Variants in FHOD3 observed in about 807,000 individuals in gnomAD.
FHOD3 encodes FH1/FH2 domain-containing protein 3.
FHOD3 carries 90 observed loss-of-function variants against 173.0 expected under a neutral mutation model. The observed-to-expected ratio is 0.52, with a 90% confidence interval of 0.44 to 0.62. FHOD3 has a LOEUF of 0.62. Among genes scored for constraint, FHOD3 ranks in the 20% least tolerant of loss-of-function variants. The probability of loss-of-function intolerance (pLI) is 0.00; values close to 1 mark genes in which losing one functional copy is unlikely to be tolerated. For missense variants in FHOD3, 1,945 were observed against 2,034.7 expected (o/e 0.96, Z 0.85); for synonymous variants, 828 against 823.0 (o/e 1.01, Z -0.10).
chr18:36,722,013 T>G (rs189154708), intron 19 of FHOD3, among the ~76,000 whole-genome samples: 2 of 152,280 alleles, frequency 1.3e-5, no homozygotes, highest in Admixed American at 1.3e-4. Flanking sequence ...GACCACCTAA[T>G]GAAAAAATGA....
At chr18:36,561,309 T>C (rs539177689) in intron 5 of FHOD3, among the ~76,000 whole-genome samples, 149 of 152,288 alleles carry the variant, frequency 9.8e-4, no homozygotes, top group African/African-American at 3.4e-3. Context: ...TGGAATCTAA[T>C]GTGTTGGCCC....
At chr18:36,354,617 A>G (rs551152841) in intron 1 of FHOD3, among the ~76,000 whole-genome samples, 114 of 152,134 alleles carry the variant, frequency 7.5e-4, no homozygotes, top group Non-Finnish European at 1.5e-3. Context: ...GGCTGGCCAA[A>G]ATGGCAAAAC....
intron 3 of FHOD3, among the ~76,000 whole-genome samples, chr18:36,435,889 T>C (rs1486818451): frequency 6.6e-6 from 1 of 152,182 alleles, no homozygotes; most frequent in African/African-American, 2.4e-5. Context: ...TTAAGTTTTG[T>C]ACAGGATAGT....
At chr18:36,522,960 T>C (rs1292683785) in intron 5 of FHOD3, among the ~76,000 whole-genome samples, 6 of 152,232 alleles carry the variant, frequency 3.9e-5, no homozygotes, top group African/African-American at 1.4e-4. Flanking sequence ...TTGCTTTCTT[T>C]ACCCTGCCTC....
intron 5 of FHOD3, among the ~76,000 whole-genome samples, chr18:36,531,246 G>C (rs1000776957): frequency 2.6e-5 from 4 of 152,182 alleles, no homozygotes; most frequent in Non-Finnish European, 1.5e-5. Context: ...AAGGATGCAA[G>C]CAGTCACTGT....
At position 36,364,171 on chromosome 18, in the gene FHOD3, A is replaced by G. The variant is rs562658749; in HGVS notation, c.273-8509A>G. 1.8e-3 allele frequency among the ~76,000 whole-genome samples: 273 copies of G among 152,302 alleles called. 1 individual carries two copies. The highest frequency in any genetic ancestry group is 1.9e-3 in the Non-Finnish European group (127 of 68,016). ...GGGAGGCATGTATTGGTTAGGATGC[A>G]GTCTTCTCTGTTGCAACCAAGAAAT... On this transcript the variant is annotated intron_variant, in intron 2 of 28. Coordinates refer to ENST00000590592, the MANE Select transcript of FHOD3 (RefSeq NM_001281740.3).
chr18:36,764,453 C>T (rs551496356), intron 27 of FHOD3, among the ~76,000 whole-genome samples: 1 of 151,968 alleles, frequency 6.6e-6, no homozygotes, highest in Non-Finnish European at 1.5e-5. Context: ...ACATGGCCAA[C>T]AGGGATGTGA....
intron 3 of FHOD3, among the ~76,000 whole-genome samples, chr18:36,437,156 T>C (rs950715277): frequency 6.6e-6 from 1 of 152,210 alleles, no homozygotes; most frequent in Non-Finnish European, 1.5e-5. Flanking sequence ...TCTCACTCTG[T>C]CACCAGGCTG....
chr18:36,615,498 A>C (rs780400057), intron 9 of FHOD3, among the ~76,000 whole-genome samples: 1 of 152,176 alleles, frequency 6.6e-6, no homozygotes, highest in African/African-American at 2.4e-5. Context: ...GTGTGTGTTC[A>C]TGATGAGGGA....
intron 14 of FHOD3, among the ~76,000 whole-genome samples, chr18:36,662,586 T>C (rs1467365691): frequency 1.3e-5 from 2 of 152,220 alleles, no homozygotes; most frequent in African/African-American, 4.8e-5. Flanking sequence ...CTCATAGTTG[T>C]CCCAGCAGAG....
At chr18:36,359,889 T>C (rs1467178361) in intron 2 of FHOD3, among the ~76,000 whole-genome samples, 4 of 152,230 alleles carry the variant, frequency 2.6e-5, no homozygotes, top group African/African-American at 9.6e-5. Flanking sequence ...CACTCAAAAC[T>C]GTTAGCCTCT....
At chr18:36,337,358 A>G (rs998179142) in intron 1 of FHOD3, among the ~76,000 whole-genome samples, 3 of 152,182 alleles carry the variant, frequency 2.0e-5, no homozygotes, top group Non-Finnish European at 4.4e-5. Context: ...ATAGCCCTGC[A>G]CTGGGCTGGT....
At chr18:36,709,417 G>T (rs370041909) in intron 18 of FHOD3, 26 bp downstream of exon 18, 6 of 1,596,502 alleles carry the variant, frequency 3.8e-6, no homozygotes, top group African/African-American at 1.3e-5. Context: ...TGTTTCAGTC[G>T]GCATGTGCCA....
chr18:36,551,471 A>G (rs1435021672), intron 5 of FHOD3, among the ~76,000 whole-genome samples: 1 of 151,856 alleles, frequency 6.6e-6, no homozygotes, highest in African/African-American at 2.4e-5. Flanking sequence ...TGATTAATTT[A>G]TTTAATTAAT....
intron 3 of FHOD3, among the ~76,000 whole-genome samples, chr18:36,401,122 T>C (rs1225096309): frequency 6.6e-6 from 1 of 152,140 alleles, no homozygotes; most frequent in Non-Finnish European, 1.5e-5. Flanking sequence ...GGTCTGAATA[T>C]TGGTGTCCCC....
At chr18:36,747,203 T>C in intron 24 of FHOD3, 68 bp downstream of exon 24, 1 of 1,274,984 alleles carries the variant, frequency 7.8e-7, no homozygotes, top group Non-Finnish European at 1.1e-6. Context: ...TACTGGAAAT[T>C]AAGAGCCGAT....
At chr18:36,304,561 T>A (rs2092041305) in intron 1 of FHOD3, among the ~76,000 whole-genome samples, 1 of 152,224 alleles carries the variant, frequency 6.6e-6, no homozygotes, top group Non-Finnish European at 1.5e-5. Flanking sequence ...AGTGGATTTT[T>A]TTTTTCATAC....
intron 5 of FHOD3, among the ~76,000 whole-genome samples, chr18:36,519,773 C>A (rs532617471): frequency 6.6e-6 from 1 of 152,228 alleles, no homozygotes; most frequent in South Asian, 2.1e-4. Context: ...GACCCTGAGC[C>A]CTTTACCTCA....
chr18:36,666,420 C>T (rs2037184621), intron 14 of FHOD3, among the ~76,000 whole-genome samples: 1 of 152,168 alleles, frequency 6.6e-6, no homozygotes, highest in African/African-American at 2.4e-5. Context: ...TTTTTCAGGG[C>T]AAGCAAATGC....
Sources: allele counts gnomAD v4.1 joint callset (sites outside exome capture counted in the v4.1 genomes callset), GRCh38; gene constraint gnomAD v4.1.1; transcripts MANE v1.5; gene names NCBI Gene and HGNC (gene_info 2026-07-23, HGNC 2026-07-21).